HAS3: variants seen among roughly 807,000 people sequenced by gnomAD.
The protein encoded by HAS3 is hyaluronan synthase 3.
In HAS3, 27 loss-of-function variants were observed where a neutral mutation model predicts 50.3. That is an observed-to-expected ratio of 0.54 (90% CI 0.40 to 0.74). The LOEUF (loss-of-function observed/expected upper bound fraction) is 0.74. HAS3 is among the 30% of genes least tolerant of loss of function. The pLI, the probability that HAS3 is intolerant of heterozygous loss-of-function variation, is 0.00. For synonymous variants in HAS3, 339 were observed against 310.9 expected, an observed-to-expected ratio of 1.09 and a Z score of -0.95; for missense variants, 517 against 742.8, an observed-to-expected ratio of 0.70 and a Z score of 3.53.
At chr16:69,086,236 A>G in the HAS3 span, among the ~76,000 whole-genome samples, 13 of 151,248 alleles carry the variant, frequency 8.6e-5, no homozygotes, top group Non-Finnish European at 1.9e-4. Context: ...TGGCATAATC[A>G]TACCTCACTG....
Position 69,114,254 on chromosome 16 carries a change from G to A in HAS3, c.739-89G>A, listed in dbSNP as rs1961104573. ...CCAGGAATCTAAGCAGCGGGCCACA[G>A]AAGCCATGGTAAGGAGGCCTCGTGG... is the stretch of plus-strand genomic sequence containing the variant. On this transcript the variant is annotated intron_variant, in intron 3 of 3. Coordinates refer to ENST00000569188, the MANE Select transcript of HAS3 (RefSeq NM_001199280.2). This position sits in a 1 kb window ranked among gnomAD's most constrained non-coding sequence, Gnocchi z 6.4. The A allele has an allele frequency of 8.7e-6, 13 of 1,501,958 alleles. No homozygotes were observed. In the South Asian group the frequency reaches 1.6e-4, roughly 19 times the overall value. 93.0% of individuals were successfully genotyped at this position (1,501,958 alleles called of 1,614,324 possible). A position where few individuals can be genotyped will look rare whatever the true frequency, so the allele number is the denominator to read the frequency against.
Position 69,109,385 on chromosome 16 carries a change from T to C in HAS3, c.1-11T>C. 6.3e-7 allele frequency: 1 copy of C among 1,591,870 alleles called. No homozygotes were observed. Among genetic ancestry groups the C allele is most frequent in the Non-Finnish European group, 8.5e-7 (1 of 1,171,576 alleles). ...CTGCCTGACCCTTCATCTCCTGCCT[T>C]CTCTCGCCAGATGCCGGTGCAGCTG... is the stretch of plus-strand genomic sequence containing the variant. On this transcript the variant is annotated splice_polypyrimidine_tract_variant and intron_variant, in intron 1 of 3. Transcript: ENST00000569188. This position sits in a 1 kb window ranked among gnomAD's most constrained non-coding sequence, Gnocchi z 5.3.
At chr16:69,118,253 G>C, downstream of HAS3, 1 of 751,704 alleles carries the variant, frequency 1.3e-6, no homozygotes, top group East Asian at 2.7e-5. Context: ...CCACCTCTAA[G>C]TCCCAGGAGA....
chr16:69,094,184 C>T, the HAS3 span, among the ~76,000 whole-genome samples: 4 of 152,296 alleles, frequency 2.6e-5, no homozygotes, highest in East Asian at 3.9e-4. Context: ...TGTCAGATTT[C>T]GTCTTTACTG....
In HAS3 at chr16:69,107,431, C is replaced by T; in HGVS notation, c.-1+1644C>T. ...GCAGGGCCTGGTCCGACTGGGATCC[C>T]TTGGGTTTTCCGTTCCTTCCCGGTT... is the stretch of plus-strand genomic sequence containing the variant. On this transcript the variant is annotated intron_variant, in intron 1 of 3. Coordinates refer to ENST00000569188, the MANE Select transcript of HAS3 (RefSeq NM_001199280.2). The surrounding 1 kb of genome is among the most constrained non-coding windows in gnomAD (Gnocchi z 5.5). 1.0e-6 allele frequency: 1 copy of T among 985,542 alleles called. No homozygotes were observed. Among genetic ancestry groups the T allele is most frequent in the African/African-American group, 1.7e-5 (1 of 57,374 alleles). 61.0% of individuals were successfully genotyped at this position (985,542 alleles called of 1,614,324 possible). A position where few individuals can be genotyped will look rare whatever the true frequency, so the allele number is the denominator to read the frequency against.
At chr16:69,094,124 T>C in the HAS3 span, among the ~76,000 whole-genome samples, 1 of 152,186 alleles carries the variant, frequency 6.6e-6, no homozygotes, top group Non-Finnish European at 1.5e-5. Context: ...GGAGCACCTC[T>C]TCTGGGGAAC....
Position 69,109,506 on chromosome 16 carries a change from C to T in HAS3, c.111C>T (p.His37=), listed in dbSNP as rs1291550411. 20 of 1,613,956 alleles carry T rather than the reference C, an allele frequency of 1.2e-5. No homozygotes were observed. In the East Asian group the frequency reaches 3.8e-4, roughly 31 times the overall value. The change falls in exon 2 of 4, where the codon CAC becomes CAT. Residue 37 remains histidine (H), a synonymous_variant. Transcript: ENST00000569188. The surrounding 1 kb of genome is among the most constrained non-coding windows in gnomAD (Gnocchi z 5.3). Reference sequence around the variant, plus strand: ...ATGTGACGGGCTACCAGTTCATCCACACGGAAAAGCACTACCTGTCCTTCG... The same window carrying T: ...ATGTGACGGGCTACCAGTTCATCCATACGGAAAAGCACTACCTGTCCTTCG... The part of the protein sequence containing the change: ...AAYVTGYQFI[H]TEKHYLSFGL...
downstream of HAS3, chr16:69,118,324 T>C (rs1810758956): frequency 7.5e-7 from 1 of 1,324,570 alleles, no homozygotes; most frequent in Non-Finnish European, 1.1e-6. Flanking sequence ...TTCTTTGAAG[T>C]GGTTGTCCAT....
the HAS3 span, among the ~76,000 whole-genome samples, chr16:69,096,920 TC>T: frequency 2.9e-4 from 44 of 152,026 alleles, no homozygotes; most frequent in African/African-American, 1.0e-3. Flanking sequence ...CCCAGCCTAA[TC>T]TGAGGTGGGA....
the HAS3 span, among the ~76,000 whole-genome samples, chr16:69,096,262 G>C: frequency 3.3e-5 from 5 of 150,296 alleles, no homozygotes; most frequent in African/African-American, 1.2e-4. Flanking sequence ...GCTGGGCACG[G>C]TGGCTCACGC....
chr16:69,090,919 A>C, the HAS3 span, among the ~76,000 whole-genome samples: 1 of 152,152 alleles, frequency 6.6e-6, no homozygotes, highest in Non-Finnish European at 1.5e-5. Flanking sequence ...GATAGGTCTT[A>C]CTATGACTAC....
At position 69,114,961 on chromosome 16, in the gene HAS3, G is replaced by A; in HGVS notation, c.1357G>A (p.Ala453Thr). The A allele has an allele frequency of 1.9e-6, 3 of 1,614,050 alleles. No homozygotes were observed. The highest frequency in any genetic ancestry group is 2.2e-5 in the South Asian group (2 of 91,078). ...SLLYMSSLLPAKIFAIATINK... is the reference protein window; with the variant it reads ...SLLYMSSLLPTKIFAIATINK... ...CCTCTATATGTCCAGCCTTCTGCCG[G>A]CCAAGATCTTTGCCATTGCTACCAT... The change falls in exon 4 of 4, where the codon GCC becomes ACC. Residue 453 changes from alanine (A) to threonine (T), a missense_variant. Physicochemically the swap from Ala to Thr is moderately conservative, Grantham distance 58. Coordinates refer to ENST00000569188, the MANE Select transcript of HAS3 (RefSeq NM_001199280.2). The surrounding 1 kb of genome is among the most constrained non-coding windows in gnomAD (Gnocchi z 6.4).
In HAS3 at chr16:69,107,667, AG is replaced by A. The variant is rs1453868964; in HGVS notation, c.1-1723del. Reference sequence around the variant, plus strand: ...TCCCCTACCCAGAGCGCAGGCAGGCAGGGGGGTCCCGCCGCGCCCCTTCAGC... The same window carrying A: ...TCCCCTACCCAGAGCGCAGGCAGGCAGGGGGTCCCGCCGCGCCCCTTCAGC... On this transcript the variant is annotated intron_variant, in intron 1 of 3. Coordinates refer to ENST00000569188, the MANE Select transcript of HAS3 (RefSeq NM_001199280.2). This position sits in a 1 kb window ranked among gnomAD's most constrained non-coding sequence, Gnocchi z 5.5. The A allele has an allele frequency of 3.0e-6, 3 of 985,276 alleles. No homozygotes were observed. The highest frequency in any genetic ancestry group is 4.7e-5 in the South Asian group (1 of 21,286). 61.0% of individuals were successfully genotyped at this position (985,276 alleles called of 1,614,324 possible).
At chr16:69,100,842 A>T (rs907194960), upstream of HAS3, among the ~76,000 whole-genome samples, 6 of 152,168 alleles carry the variant, frequency 3.9e-5, no homozygotes, top group African/African-American at 1.2e-4. Flanking sequence ...AGGCCCCTTG[A>T]ACTCTCTGCA....
In HAS3 at chr16:69,109,932, G is replaced by C. The variant is rs879038572; in HGVS notation, c.537G>C (p.Arg179=). 2 of 1,614,118 alleles carry C rather than the reference G, an allele frequency of 1.2e-6. No homozygotes were observed. Among genetic ancestry groups the C allele is most frequent in the South Asian group, 1.1e-5 (1 of 91,088 alleles). ...EGMDRVRDVV[R]ASTFSCIMQK... ...TGGACCGTGTGCGGGATGTGGTGCG[G>C]GCCAGCACCTTCTCGTGCATCATGC... Residue 179 remains arginine (R), a synonymous_variant, in exon 2 of 4, where the codon CGG becomes CGC. Transcript: ENST00000569188. This position sits in a 1 kb window ranked among gnomAD's most constrained non-coding sequence, Gnocchi z 5.3.
At chr16:69,092,893 T>C in the HAS3 span, among the ~76,000 whole-genome samples, 1 of 152,190 alleles carries the variant, frequency 6.6e-6, no homozygotes, top group African/African-American at 2.4e-5. Context: ...TTTGACCTTG[T>C]AGTTTGCCCA....
chr16:69,103,003 ATGTGTGTG>A (rs35175934), upstream of HAS3, among the ~76,000 whole-genome samples: 67 of 138,784 alleles, frequency 4.8e-4, no homozygotes, highest in Middle Eastern at 3.5e-3. Flanking sequence ...TGGAGTGTGC[ATGTGTGTG>A]TGTGTGTGTG....
At chr16:69,090,629 G>C in the HAS3 span, among the ~76,000 whole-genome samples, 3 of 152,054 alleles carry the variant, frequency 2.0e-5, no homozygotes, top group Non-Finnish European at 4.4e-5. Context: ...GTGCAGTGGT[G>C]CAATCTCGGT....
chr16:69,114,747 C>A lies in HAS3; in HGVS notation c.1143C>A (p.Tyr381Ter). The A allele has an allele frequency of 6.2e-7, 1 of 1,614,120 alleles. No individual in the cohort carries two copies. Among genetic ancestry groups the A allele is most frequent in the Non-Finnish European group, 8.5e-7 (1 of 1,180,002 alleles). The change falls in exon 4 of 4, where the codon TAC (tyrosine) becomes TAA (stop). Residue 381 changes from tyrosine (Y) to a stop codon, truncating the protein, a stop_gained. Transcript: ENST00000569188. LOFTEE classifies it high-confidence loss of function. This position sits in a 1 kb window ranked among gnomAD's most constrained non-coding sequence, Gnocchi z 6.4. ...ATAAGCACCACCTCTGGATGACCTA[C>A]GAGTCAGTGGTCACGGGTTTCTTCC... Reference protein sequence around the residue: ...WFHKHHLWMTYESVVTGFFPF... With the variant: ...WFHKHHLWMT
Sources: gnomAD v4.1 joint callset for allele counts (sites outside exome capture counted in the v4.1 genomes callset) on GRCh38, gnomAD v4.1.1 for gene constraint, Gnocchi (gnomAD v3.1) non-coding constraint, MANE v1.5 for transcripts, NCBI Gene and HGNC (gene_info 2026-07-23, HGNC 2026-07-21) for gene names.